The following SSBP2 variants were observed in gnomAD, a reference collection of about 807,000 sequenced individuals.
SSBP2 encodes single stranded DNA binding protein 2, also known as single-stranded DNA-binding protein 2.
SSBP2 carries 17 observed loss-of-function variants against 61.8 expected under a neutral mutation model. The ratio of observed to expected loss-of-function variants is 0.28; its 90% CI spans 0.19 to 0.41. The LOEUF is 0.41. Ranked by LOEUF, SSBP2 falls within the 10% of genes least tolerant of loss-of-function variation. SSBP2 has a pLI of 1.00. For missense variants in SSBP2, 310 were observed against 458.7 expected (o/e 0.68, Z 2.96); for synonymous variants, 139 against 141.3 (o/e 0.98, Z 0.12).
At chr5:81,586,660 C>T (rs1775078736) in intron 4 of SSBP2, among the ~76,000 whole-genome samples, 1 of 147,530 alleles carries the variant, frequency 6.8e-6, no homozygotes, top group African/African-American at 2.5e-5. Flanking sequence ...ATATAGGAGG[C>T]ATGAGATTGC....
chr5:81,442,531 G>T, intron 13 of SSBP2, 122 bp downstream of exon 13: 1 of 564,856 alleles, frequency 1.8e-6, no homozygotes, highest in East Asian at 3.5e-5. Context: ...TTGACTTTTT[G>T]AATATCTAAT....
intron 6 of SSBP2, among the ~76,000 whole-genome samples, chr5:81,488,053 AT>A (rs1766554054): frequency 3.6e-5 from 2 of 55,502 alleles, no homozygotes; most frequent in South Asian, 4.8e-4. Context: ...ATATATATAT[AT>A]ATATAAATAA....
chr5:81,649,674 A>T (rs983688269), intron 2 of SSBP2, among the ~76,000 whole-genome samples: 3 of 152,102 alleles, frequency 2.0e-5, no homozygotes, highest in African/African-American at 7.2e-5. Flanking sequence ...ATTGGCTGCT[A>T]TGCTTACTAC....
chr5:81,750,834 C>A, intron 1 of SSBP2, 147 bp downstream of exon 1: 1 of 887,130 alleles, frequency 1.1e-6, no homozygotes, highest in Non-Finnish European at 1.8e-6. Flanking sequence ...CCGCACCACA[C>A]GCCCCCATCG....
chr5:81,644,866 C>T (rs936365662), intron 2 of SSBP2, among the ~76,000 whole-genome samples: 6 of 152,152 alleles, frequency 3.9e-5, no homozygotes, highest in Non-Finnish European at 8.8e-5. Flanking sequence ...GAGCTGGACC[C>T]ATTTTTATAG....
At position 81,441,290 on chromosome 5, in the gene SSBP2, A is replaced by G. The variant is rs558785513; in HGVS notation, c.850-654T>C. Among the ~76,000 whole-genome samples, 638 of 152,188 alleles carry G rather than the reference A, an allele frequency of 4.2e-3. 5 individuals are homozygous for G. The highest frequency in any genetic ancestry group is 0.016 in the South Asian group (75 of 4,812). On this transcript the variant is annotated intron_variant, in intron 13 of 16. Transcript: ENST00000320672. ...CCTTTCTTTTCAGGTGGAATCTTACATTAGAAGTCTGGTTCAAAACAGGTG... is the reference window on the plus strand; with the variant it reads ...CCTTTCTTTTCAGGTGGAATCTTACGTTAGAAGTCTGGTTCAAAACAGGTG...
intron 16 of SSBP2, among the ~76,000 whole-genome samples, chr5:81,427,815 T>C (rs937431074): frequency 1.3e-5 from 2 of 152,204 alleles, no homozygotes; most frequent in African/African-American, 4.8e-5. Context: ...CATTCAAGTA[T>C]GCCCAGCTCC....
intron 4 of SSBP2, among the ~76,000 whole-genome samples, chr5:81,529,073 C>T (rs1770184748): frequency 6.6e-6 from 1 of 151,664 alleles, no homozygotes; most frequent in Admixed American, 6.6e-5. Context: ...TGGCAAGTGC[C>T]AAGTTGAGTG....
intron 1 of SSBP2, among the ~76,000 whole-genome samples, chr5:81,699,139 T>C (rs541748643): frequency 6.6e-6 from 1 of 152,364 alleles, no homozygotes; most frequent in East Asian, 1.9e-4. Flanking sequence ...TTGCTAAAAA[T>C]GCTAATGATC....
intron 2 of SSBP2, among the ~76,000 whole-genome samples, chr5:81,644,440 A>T (rs1749084479): frequency 6.6e-6 from 1 of 152,216 alleles, no homozygotes; most frequent in Non-Finnish European, 1.5e-5. Flanking sequence ...TCAGAAAAGG[A>T]AAAATGAGAG....
chr5:81,600,991 C>G (rs1490062536), intron 4 of SSBP2, among the ~76,000 whole-genome samples: 1 of 152,044 alleles, frequency 6.6e-6, no homozygotes, highest in Non-Finnish European at 1.5e-5. Context: ...AAGCAAAAGG[C>G]GTTGCACTAT....
chr5:81,513,953 G>A (rs1011491337), intron 4 of SSBP2, among the ~76,000 whole-genome samples: 2 of 151,858 alleles, frequency 1.3e-5, no homozygotes, highest in African/African-American at 4.8e-5. Flanking sequence ...TAAATAATGT[G>A]GTATATTTTG....
At chr5:81,512,531 C>G (rs573426557) in intron 5 of SSBP2, among the ~76,000 whole-genome samples, 43 of 152,180 alleles carry the variant, frequency 2.8e-4, no homozygotes, top group African/African-American at 9.9e-4. Flanking sequence ...AGGGCCCCCA[C>G]GACAGAATGT....
At chr5:81,707,804 T>C (rs1342273635) in intron 1 of SSBP2, among the ~76,000 whole-genome samples, 2 of 152,200 alleles carry the variant, frequency 1.3e-5, no homozygotes, top group Non-Finnish European at 2.9e-5. Context: ...TCCTTAACCA[T>C]ACCTCTTTCA....
intron 1 of SSBP2, among the ~76,000 whole-genome samples, chr5:81,730,737 G>A (rs1345009775): frequency 6.6e-6 from 1 of 152,030 alleles, no homozygotes; most frequent in Non-Finnish European, 1.5e-5. Flanking sequence ...TGGTAGAAAG[G>A]AAAGAAAAGA....
chr5:81,500,783 G>T (rs1193499061), intron 5 of SSBP2, among the ~76,000 whole-genome samples: 1 of 151,982 alleles, frequency 6.6e-6, no homozygotes, highest in Non-Finnish European at 1.5e-5. Flanking sequence ...TTATAGAACT[G>T]AGAAATTATT....
chr5:81,474,394 A>G, intron 7 of SSBP2, 102 bp downstream of exon 7: 1 of 995,518 alleles, frequency 1.0e-6, no homozygotes, highest in Admixed American at 2.0e-5. Context: ...AACTGGTATA[A>G]CTATAGGAGA....
intron 5 of SSBP2, among the ~76,000 whole-genome samples, chr5:81,498,656 T>C (rs1399394191): frequency 6.6e-6 from 1 of 152,064 alleles, no homozygotes; most frequent in Non-Finnish European, 1.5e-5. Context: ...GTTAATTTAA[T>C]TATCTTTCCC....
intron 1 of SSBP2, among the ~76,000 whole-genome samples, chr5:81,668,103 G>GGGA (rs1751298128): frequency 1.3e-5 from 2 of 152,112 alleles, no homozygotes; most frequent in South Asian, 4.1e-4. Flanking sequence ...GCTTCGTGCT[G>GGGA]GGAGGACACA....
Sources: gnomAD v4.1 joint callset for allele counts (sites outside exome capture counted in the v4.1 genomes callset) on GRCh38, gnomAD v4.1.1 for gene constraint, MANE v1.5 for transcripts, NCBI Gene and HGNC (gene_info 2026-07-23, HGNC 2026-07-21) for gene names.